Variants in NPAS3 observed in about 807,000 individuals in gnomAD.
NPAS3 encodes the protein neuronal PAS domain-containing protein 3.
NPAS3 carries 14 observed loss-of-function variants against 73.1 expected under a neutral mutation model. That is an observed-to-expected ratio of 0.19 (90% CI 0.13 to 0.30). The LOEUF (loss-of-function observed/expected upper bound fraction) is 0.30, where lower values mean the gene tolerates loss of function less well. Among genes scored for constraint, NPAS3 ranks in the 10% least tolerant of loss-of-function variants. The pLI is 1.00. For synonymous variants in NPAS3, 620 were observed against 541.5 expected (o/e 1.14, Z -2.01); for missense variants, 1,096 against 1,250.0 (o/e 0.88, Z 1.86).
intron 1 of NPAS3, among the ~76,000 whole-genome samples, chr14:32,999,262 A>C (rs541764663): frequency 6.6e-6 from 1 of 152,326 alleles, no homozygotes; most frequent in Middle Eastern, 3.4e-3. Context: ...CTGTAATCCC[A>C]GCCCTTTGGG....
At chr14:32,955,463 T>C (rs905227329) in intron 1 of NPAS3, among the ~76,000 whole-genome samples, 4 of 151,972 alleles carry the variant, frequency 2.6e-5, no homozygotes, top group Admixed American at 6.6e-5. Flanking sequence ...CAAGATAACA[T>C]GGAAATTATC....
At chr14:33,339,496 G>A (rs2140305440) in intron 3 of NPAS3, among the ~76,000 whole-genome samples, 1 of 152,304 alleles carries the variant, frequency 6.6e-6, no homozygotes. Context: ...ATGCCATAAT[G>A]TTTAACTGGC....
chr14:33,062,210 C>T (rs2041129545), intron 2 of NPAS3, among the ~76,000 whole-genome samples: 1 of 151,616 alleles, frequency 6.6e-6, no homozygotes, highest in Non-Finnish European at 1.5e-5. Context: ...CCATAGCTTC[C>T]TCTCCTCTTC....
At position 33,536,412 on chromosome 14, in the gene NPAS3, A is replaced by G. The variant is rs755975761; in HGVS notation, c.469-23709A>G. Among the ~76,000 whole-genome samples the G allele has an allele frequency of 2.0e-5, 3 of 152,356 alleles. No individual in the cohort carries two copies. In the South Asian group the frequency reaches 6.2e-4, roughly 32 times the overall value. On this transcript the variant is annotated intron_variant, in intron 4 of 11. Coordinates refer to ENST00000356141, the Ensembl canonical transcript of NPAS3. The stretch of plus-strand genomic sequence containing the variant: ...CAGTAGAAGAATAGAGTCATAATTT[A>G]TGACTGTGCAGAGTGCTAGATTGTA...
Position 33,799,721 on chromosome 14 carries a change from C to G in NPAS3, c.1427-13C>G. The G allele has an allele frequency of 6.4e-7, 1 of 1,553,818 alleles. No homozygotes were observed. The highest frequency in any genetic ancestry group is 1.4e-5 in the African/African-American group (1 of 73,130). ...CTCCGCCCCCGCCACCGCCGGCCCC[C>G]CGCCCCACACAGAGGACAACGAGAA... is the stretch of plus-strand genomic sequence containing the variant. On this transcript the variant is annotated splice_polypyrimidine_tract_variant and intron_variant, in intron 11 of 11. Coordinates refer to ENST00000356141, the Ensembl canonical transcript of NPAS3.
chr14:33,077,748 G>C (rs1211797753), intron 2 of NPAS3, among the ~76,000 whole-genome samples: 1 of 113,816 alleles, frequency 8.8e-6, no homozygotes, highest in African/African-American at 3.1e-5. Context: ...AGTCAGTGTT[G>C]CTTTGCTCAA....
At position 33,410,345 on chromosome 14, in the gene NPAS3, T is replaced by C. The variant is rs372443870; in HGVS notation, c.468+43077T>C. ...ATTTTGACACTGTTCATCTGTTCTT[T>C]CCATATCTGTCAGAGTATTTCAGGC... On this transcript the variant is annotated intron_variant, in intron 4 of 11. Coordinates refer to ENST00000356141, the Ensembl canonical transcript of NPAS3. 3.3e-5 allele frequency among the ~76,000 whole-genome samples: 5 copies of C among 152,184 alleles called. No homozygotes were observed. In the South Asian group the frequency reaches 1.0e-3, roughly 32 times the overall value.
chr14:33,285,694 G>GT (rs2041846382), intron 3 of NPAS3, among the ~76,000 whole-genome samples: 1 of 152,204 alleles, frequency 6.6e-6, no homozygotes, highest in African/African-American at 2.4e-5. Flanking sequence ...ACACCCTCCT[G>GT]TTACAGATCC....
At chr14:33,509,275 T>G (rs1405177760) in intron 4 of NPAS3, among the ~76,000 whole-genome samples, 4 of 151,986 alleles carry the variant, frequency 2.6e-5, no homozygotes, top group African/African-American at 9.7e-5. Flanking sequence ...CCATACAGAT[T>G]ATGAACTTTT....
chr14:33,584,401 TA>T (rs5807734), intron 5 of NPAS3, among the ~76,000 whole-genome samples: 44 of 84,344 alleles, frequency 5.2e-4, no homozygotes, highest in East Asian at 1.3e-3. Flanking sequence ...GATGTTTATT[TA>T]AAAAAAAAAA....
chr14:33,531,000 T>A (rs928944687), intron 4 of NPAS3, among the ~76,000 whole-genome samples: 1 of 152,034 alleles, frequency 6.6e-6, no homozygotes, highest in African/African-American at 2.4e-5. Context: ...AAGCAGTAGA[T>A]GAAGATAAAA....
chr14:33,328,420 T>G (rs2043808857), intron 3 of NPAS3, among the ~76,000 whole-genome samples: 1 of 149,568 alleles, frequency 6.7e-6, no homozygotes, highest in Non-Finnish European at 1.5e-5. Context: ...TTATTGATGT[T>G]TTTATCTTTC....
At chr14:33,730,272 T>C (rs896663885) in intron 6 of NPAS3, among the ~76,000 whole-genome samples, 1 of 152,184 alleles carries the variant, frequency 6.6e-6, no homozygotes, top group Non-Finnish European at 1.5e-5. Flanking sequence ...CTCATGACCT[T>C]TGGAGTCCGA....
intron 4 of NPAS3, among the ~76,000 whole-genome samples, chr14:33,542,825 A>C (rs1296334666): frequency 6.6e-6 from 1 of 152,212 alleles, no homozygotes; most frequent in Non-Finnish European, 1.5e-5. Flanking sequence ...ACAGAGAGCA[A>C]GAGATACTCT....
At chr14:33,492,253 T>C (rs894769465) in intron 4 of NPAS3, among the ~76,000 whole-genome samples, 2 of 152,118 alleles carry the variant, frequency 1.3e-5, no homozygotes, top group African/African-American at 4.8e-5. Context: ...ACTGTGGTAA[T>C]ACCTCTGAAA....
rs137985365 is a variant in NPAS3, at chr14:33,175,622, A to G, written c.141-39560A>G. 2.3e-3 allele frequency among the ~76,000 whole-genome samples: 357 copies of G among 152,292 alleles called. 1 individual carries two copies. The highest frequency in any genetic ancestry group is 8.3e-3 in the African/African-American group (344 of 41,582). ...CTCTAAGAAGGTGTTTTGTGTTTTA[A>G]TAAGTGGCAATACATGCTGGTATGT... On this transcript the variant is annotated intron_variant, in intron 2 of 11. Transcript: ENST00000356141.
At chr14:33,318,322 T>C (rs12885358) in intron 3 of NPAS3, among the ~76,000 whole-genome samples, 33,361 of 151,922 alleles carry the variant, frequency 0.22, 4,312 homozygotes, top group Middle Eastern at 0.34. Flanking sequence ...AGTAGAATAG[T>C]GGTTGCCAGG....
chr14:32,977,071 C>T (rs372485581), intron 1 of NPAS3, among the ~76,000 whole-genome samples: 1 of 130,736 alleles, frequency 7.6e-6, no homozygotes, highest in African/African-American at 2.6e-5. Flanking sequence ...CACACACATA[C>T]ACACACACGT....
At chr14:33,615,477 T>C (rs2057885977) in intron 5 of NPAS3, among the ~76,000 whole-genome samples, 1 of 151,986 alleles carries the variant, frequency 6.6e-6, no homozygotes, top group South Asian at 2.1e-4. Context: ...TGATTCAATA[T>C]TGAGAGAAAA....
Sources: gnomAD v4.1 joint callset for allele counts (sites outside exome capture counted in the v4.1 genomes callset) on GRCh38, gnomAD v4.1.1 for gene constraint, MANE v1.5 for transcripts, NCBI Gene and HGNC (gene_info 2026-07-23, HGNC 2026-07-21) for gene names.